Variants in MLC1 observed in about 807,000 individuals in gnomAD.
MLC1 encodes membrane protein MLC1.
In MLC1, 32 loss-of-function variants were observed where a neutral mutation model predicts 44.7. The observed-to-expected ratio is 0.72, with a 90% confidence interval of 0.54 to 0.96. The LOEUF (loss-of-function observed/expected upper bound fraction) is 0.96, where lower values mean the gene tolerates loss of function less well. MLC1 is among the 40% of genes least tolerant of loss of function. The pLI, the probability that MLC1 is intolerant of heterozygous loss-of-function variation, is 0.00. For missense variants in MLC1, 459 were observed against 492.2 expected, an observed-to-expected ratio of 0.93 and a Z score of 0.64; for synonymous variants, 190 against 213.0, an observed-to-expected ratio of 0.89 and a Z score of 0.94.
chr22:50,069,520 C>T (rs1424499253), intron 9 of MLC1, among the ~76,000 whole-genome samples: 1 of 151,912 alleles, frequency 6.6e-6, no homozygotes, highest in Non-Finnish European at 1.5e-5. Flanking sequence ...GTGGCGCATG[C>T]CTGTAGTCCC....
At chr22:50,062,224 GCCGCCCACCCTGAGCCCCAA>G (rs2061580272) in intron 11 of MLC1, among the ~76,000 whole-genome samples, 5 of 113,492 alleles carry the variant, frequency 4.4e-5, no homozygotes, top group African/African-American at 1.7e-4. Context: ...CTGAGCCCCA[GCCGCCCACCCTGAGCCCCAA>G]CCGCCCACCC....
At chr22:50,076,793 C>A in intron 7 of MLC1, 48 bp downstream of exon 7, 2 of 1,586,128 alleles carry the variant, frequency 1.3e-6, no homozygotes, top group Non-Finnish European at 8.7e-7. Context: ...GCCTCAGTCA[C>A]CCCCGACAGA....
intron 9 of MLC1, among the ~76,000 whole-genome samples, chr22:50,068,783 G>C (rs1406677551): frequency 2.1e-5 from 3 of 141,556 alleles, no homozygotes; most frequent in Non-Finnish European, 4.5e-5. Context: ...CTGGAATGCA[G>C]TGGCATGATC....
chr22:50,076,734 GA>G, intron 7 of MLC1, 106 bp downstream of exon 7: 1 of 1,200,474 alleles, frequency 8.3e-7, no homozygotes, highest in East Asian at 2.3e-5. Flanking sequence ...ATGCGGTGTA[GA>G]CAGCCAACTC....
chr22:50,074,418 A>G, intron 7 of MLC1, 86 bp from the exon 8 acceptor site: 3 of 1,203,076 alleles, frequency 2.5e-6, no homozygotes, highest in Non-Finnish European at 3.7e-6. Flanking sequence ...ATGGACCCCC[A>G]GGAGCAGGGT....
chr22:50,084,624 G>A (rs2146943307), intron 2 of MLC1, 102 bp downstream of exon 2: 3 of 1,281,786 alleles, frequency 2.3e-6, no homozygotes, highest in Admixed American at 1.7e-5. Context: ...TAGTCTGAGA[G>A]TTGCTCTCTC....
chr22:50,077,012 C>T (rs893451230), intron 6 of MLC1, 100 bp from the exon 7 acceptor site: 8 of 1,299,240 alleles, frequency 6.2e-6, no homozygotes, highest in Non-Finnish European at 8.9e-6. Context: ...GGTCAGCCTG[C>T]CGTGTAGATG....
chr22:50,067,516 CATCCCCCT>C (rs2061733338), intron 10 of MLC1, among the ~76,000 whole-genome samples: 1 of 89,236 alleles, frequency 1.1e-5, no homozygotes, highest in Non-Finnish European at 2.3e-5. Flanking sequence ...GCAGTGACTC[CATCCCCCT>C]GTCAGGCAGT....
At chr22:50,069,763 C>A (rs5771144) in intron 9 of MLC1, among the ~76,000 whole-genome samples, 18,566 of 152,164 alleles carry the variant, frequency 0.12, 1,271 homozygotes, top group South Asian at 0.23. Flanking sequence ...TTTAACCCAC[C>A]CCAAATCTTC....
intron 7 of MLC1, chr22:50,074,636 A>T: frequency 5.1e-6 from 2 of 395,812 alleles, no homozygotes; most frequent in Non-Finnish European, 9.7e-6. Context: ...GAAAACCAAG[A>T]CCCTCAGACT....
chr22:50,080,517 G>T, intron 3 of MLC1, 120 bp from the exon 4 acceptor site: 2 of 1,125,654 alleles, frequency 1.8e-6, no homozygotes, highest in Non-Finnish European at 2.6e-6. Context: ...AGTGTTGCCA[G>T]TCCATGCAAC....
rs746601103 is a variant in MLC1, at chr22:50,068,606, G to A, written c.772-51C>T. On this transcript the variant is annotated intron_variant, in intron 9 of 11. Coordinates refer to ENST00000311597, the MANE Select transcript of MLC1 (RefSeq NM_015166.4). Reference sequence around the variant, plus strand: ...ACCACGGCCGGAGCCTGGGAGCCCAGGACAGCGGGCGTGGCCAGGGCTGGG... The same window carrying A: ...ACCACGGCCGGAGCCTGGGAGCCCAAGACAGCGGGCGTGGCCAGGGCTGGG... The A allele has an allele frequency of 2.5e-6, 4 of 1,587,756 alleles. No individual in the cohort carries two copies. The South Asian group carries it at 4.4e-5, about 18-fold the overall frequency.
intron 10 of MLC1, among the ~76,000 whole-genome samples, chr22:50,065,827 G>A (rs1469114923): frequency 6.6e-6 from 1 of 152,242 alleles, no homozygotes; most frequent in Non-Finnish European, 1.5e-5. Flanking sequence ...CTCCTAGCTG[G>A]ATATCCTAAA....
Position 50,083,349 on chromosome 22 carries a change from A to G in MLC1, c.178-176T>C, listed in dbSNP as rs563708659. Among the ~76,000 whole-genome samples the G allele has an allele frequency of 7.2e-5, 11 of 152,122 alleles. No homozygotes were observed. The highest frequency in any genetic ancestry group is 1.3e-4 in the Admixed American group (2 of 15,272). ...TGGACTCCTCCTGTAGGACAGACGC[A>G]GCCCCGCCGCAGCCCAGGACATGGA... On this transcript the variant is annotated intron_variant, in intron 2 of 11. Coordinates refer to ENST00000311597, the MANE Select transcript of MLC1 (RefSeq NM_015166.4). This position sits in a 1 kb window ranked among gnomAD's most constrained non-coding sequence, Gnocchi z 4.6.
rs1602063709 is a variant in MLC1 at position 50,083,133 on chromosome 22, C to T, written c.218G>A (p.Gly73Glu). Residue 73 changes from glycine (G) to glutamate (E), a missense_variant, in exon 3 of 12, where the codon GGG (glycine) becomes GAG (glutamate). Physicochemically the swap from Gly to Glu is moderately conservative, Grantham distance 98. Transcript: ENST00000311597. The surrounding 1 kb of genome is among the most constrained non-coding windows in gnomAD (Gnocchi z 4.6). ...LVTSGFSLYL[G>E]NVFPAEMDYL... Reference sequence around the variant, plus strand: ...ATCCATCTCAGCCGGGAACACGTTCCCCAGGTACAGCGAAAACCCCGAGGT... The same window carrying T: ...ATCCATCTCAGCCGGGAACACGTTCTCCAGGTACAGCGAAAACCCCGAGGT... The T allele has an allele frequency of 6.2e-7, 1 of 1,614,156 alleles. No homozygotes were observed. The highest frequency in any genetic ancestry group is 8.5e-7 in the Non-Finnish European group (1 of 1,180,022).
intron 7 of MLC1, chr22:50,074,603 T>C: frequency 2.1e-6 from 1 of 468,762 alleles, no homozygotes; most frequent in South Asian, 2.0e-5. Flanking sequence ...ACTGAGGGTA[T>C]TGACCTGACA....
At chr22:50,063,770 C>CCCAGCGACCACCCCCACCCCACAGGCCA (rs1166124367) in intron 11 of MLC1, among the ~76,000 whole-genome samples, 1 of 143,802 alleles carries the variant, frequency 7.0e-6, no homozygotes, top group Non-Finnish European at 1.6e-5. Flanking sequence ...TTCTCACCTC[C>CCCAGCGACCACCCCCACCCCACAGGCCA]CTGGCTGGGC....
rs1007999181 is a variant in MLC1, at chr22:50,083,512, G to T, written c.178-339C>A. ...ATACTCCTGCCCCAACATGTTGTGCGTGCAGTCTTCCAGATCCCACACCCA... is the reference window on the plus strand; with the variant it reads ...ATACTCCTGCCCCAACATGTTGTGCTTGCAGTCTTCCAGATCCCACACCCA... On this transcript the variant is annotated intron_variant, in intron 2 of 11. Transcript: ENST00000311597. This position sits in a 1 kb window ranked among gnomAD's most constrained non-coding sequence, Gnocchi z 4.6. Among the ~76,000 whole-genome samples, 1 of 152,190 alleles carries T rather than the reference G, an allele frequency of 6.6e-6. No homozygotes were observed. The highest frequency in any genetic ancestry group is 2.1e-4 in the South Asian group (1 of 4,830).
chr22:50,073,803 C>T (rs2061915928), intron 8 of MLC1, among the ~76,000 whole-genome samples: 1 of 152,096 alleles, frequency 6.6e-6, no homozygotes, highest in South Asian at 2.1e-4. Flanking sequence ...GTGTCAGGTG[C>T]TGTGTGACAC....
Sources: allele counts gnomAD v4.1 joint callset (sites outside exome capture counted in the v4.1 genomes callset), GRCh38; gene constraint gnomAD v4.1.1; non-coding constraint Gnocchi (gnomAD v3.1); transcripts MANE v1.5; gene names NCBI Gene and HGNC (gene_info 2026-07-23, HGNC 2026-07-21).